Variants in AZIN1 observed in about 807,000 individuals in gnomAD.
AZIN1 encodes ornithine decarboxylase antizyme inhibitor.
Under a neutral mutation model 47.4 loss-of-function variants are expected in AZIN1, and 12 were observed. That is an observed-to-expected ratio of 0.25 (90% CI 0.16 to 0.41). The LOEUF is 0.41. Among genes scored for constraint, AZIN1 ranks in the 10% least tolerant of loss-of-function variants. AZIN1 has a pLI of 1.00. For synonymous variants in AZIN1, 155 were observed against 176.3 expected, an observed-to-expected ratio of 0.88 and a Z score of 0.96; for missense variants, 410 against 532.4, an observed-to-expected ratio of 0.77 and a Z score of 2.26.
chr8:102,834,774 A>G, intron 6 of AZIN1, 27 bp from the exon 7 acceptor site: 2 of 1,525,140 alleles, frequency 1.3e-6, no homozygotes, highest in Non-Finnish European at 1.8e-6. Flanking sequence ...ACTAAATTTA[A>G]AGGAGCAGAA....
intron 3 of AZIN1, 140 bp from the exon 4 acceptor site, chr8:102,839,963 CTTG>C: frequency 4.1e-6 from 2 of 486,538 alleles, no homozygotes; most frequent in Non-Finnish European, 7.0e-6. Flanking sequence ...ACATTTAAAG[CTTG>C]TTAACTAGAT....
In AZIN1 at chr8:102,834,274, A is replaced by G. The variant is rs767052295; in HGVS notation, c.667-11T>C. 3.3e-6 allele frequency: 5 copies of G among 1,536,938 alleles called. No homozygotes were observed. The highest frequency in any genetic ancestry group is 3.5e-6 in the Non-Finnish European group (4 of 1,127,578). On this transcript the variant is annotated splice_polypyrimidine_tract_variant and intron_variant, in intron 7 of 11. Coordinates refer to ENST00000337198, the MANE Select transcript of AZIN1 (RefSeq NM_148174.4). Reference sequence around the variant, plus strand: ...AAAGCCAATTTCTCCCTAGAGATGGAAAAAAAAAATTTAAATGTTTTTCCA... The same window carrying G: ...AAAGCCAATTTCTCCCTAGAGATGGGAAAAAAAAATTTAAATGTTTTTCCA...
At chr8:102,833,360 T>A in intron 8 of AZIN1, 142 bp from the exon 9 acceptor site, 1 of 620,760 alleles carries the variant, frequency 1.6e-6, no homozygotes. Flanking sequence ...TTTGTAGTTA[T>A]CTCCAAGCAA....
At chr8:102,838,643 A>AT in intron 5 of AZIN1, 101 bp downstream of exon 5, 1 of 924,388 alleles carries the variant, frequency 1.1e-6, no homozygotes. Flanking sequence ...TATGATACAC[A>AT]TCATTGCCCT....
At chr8:102,836,451 G>A in intron 5 of AZIN1, 61 bp from the exon 6 acceptor site, 1 of 1,541,662 alleles carries the variant, frequency 6.5e-7, no homozygotes, top group East Asian at 2.3e-5. Context: ...CACATGTGAA[G>A]CCTGAAGATT....
Position 102,843,618 on chromosome 8 carries a change from A to G in AZIN1, c.35T>C (p.Val12Ala), listed in dbSNP as rs772193211. The change falls in exon 3 of 12, where the codon GTT becomes GCT. Residue 12 changes from valine (V) to alanine (A), a missense_variant. Coordinates refer to ENST00000337198, the MANE Select transcript of AZIN1 (RefSeq NM_148174.4). ...GTTTGTTCCTTCATCCAACAGGCCA[A>G]CGGAGTAGTTTGCATCATCAATAAA... ...KGFIDDANYS[V>A]GLLDEGTNLG... 6.2e-7 allele frequency: 1 copy of G among 1,614,144 alleles called. No individual in the cohort carries two copies. The highest frequency in any genetic ancestry group is 8.5e-7 in the Non-Finnish European group (1 of 1,179,984).
chr8:102,847,693 CCACT>C (rs1252430001), intron 2 of AZIN1, among the ~76,000 whole-genome samples: 2 of 152,094 alleles, frequency 1.3e-5, no homozygotes, highest in Non-Finnish European at 1.5e-5. Context: ...AGTCCCACCT[CCACT>C]CAGTCAGTCC....
At chr8:102,862,021 G>A (rs1459477625) in intron 1 of AZIN1, among the ~76,000 whole-genome samples, 4 of 151,332 alleles carry the variant, frequency 2.6e-5, no homozygotes, top group Non-Finnish European at 4.4e-5. Context: ...GGGCGACAGA[G>A]CTAGACTCCA....
In AZIN1 at chr8:102,834,700, G is replaced by C. The variant is rs760259243; in HGVS notation, c.632C>G (p.Ala211Gly). 1.9e-6 allele frequency: 3 copies of C among 1,611,940 alleles called. No homozygotes were observed. In the Admixed American group the frequency reaches 5.0e-5, roughly 27 times the overall value. ...ACKESQVYVH[A>G]LSDARCVFDM... Reference sequence around the variant, plus strand: ...AAACACACATCGAGCATCAGATAGAGCATGTACATATACTTGAGATTCTTT... The same window carrying C: ...AAACACACATCGAGCATCAGATAGACCATGTACATATACTTGAGATTCTTT... Residue 211 changes from alanine (A) to glycine (G), a missense_variant, in exon 7 of 12, where the codon GCT (alanine) becomes GGT (glycine). Ala to Gly is a moderately conservative substitution (Grantham distance 60). This residue lies in a region of AZIN1 where 237 missense variants were observed against 309.4 expected (regional missense o/e 0.77). Coordinates refer to ENST00000337198, the MANE Select transcript of AZIN1 (RefSeq NM_148174.4).
At chr8:102,830,502 C>T (rs769396314) in intron 9 of AZIN1, among the ~76,000 whole-genome samples, 2 of 150,992 alleles carry the variant, frequency 1.3e-5, no homozygotes, top group Admixed American at 6.6e-5. Flanking sequence ...AGGAAAAACA[C>T]TTTTTAGTTT....
intron 9 of AZIN1, chr8:102,830,315 G>A (rs1811356004): frequency 6.2e-6 from 1 of 161,692 alleles, no homozygotes; most frequent in Non-Finnish European, 1.3e-5. Context: ...GAATCCGGGA[G>A]GCGGAGGTTA....
At chr8:102,860,536 T>G (rs1813576882) in intron 1 of AZIN1, among the ~76,000 whole-genome samples, 1 of 152,202 alleles carries the variant, frequency 6.6e-6, no homozygotes, top group Non-Finnish European at 1.5e-5. Flanking sequence ...GTGCTGGGAT[T>G]ACAGGCATGA....
In AZIN1 at chr8:102,839,817, T is replaced by C; in HGVS notation, c.109A>G (p.Lys37Glu). ...AGATCTCCCACAAAAAATGCATTTT[T>C]CCCTGTCTATTATGGTTATAAAAAA... ...NYVYEHTLTG[K>E]NAFFVGDLGK... Residue 37 changes from lysine to glutamate, a missense_variant, in exon 4 of 12, where the codon AAA becomes GAA. Lys to Glu is a moderately conservative substitution (Grantham distance 56, BLOSUM62 1). Coordinates refer to ENST00000337198, the MANE Select transcript of AZIN1 (RefSeq NM_148174.4). The C allele has an allele frequency of 6.3e-7, 1 of 1,591,354 alleles. No homozygotes were observed. The highest frequency in any genetic ancestry group is 8.5e-7 in the Non-Finnish European group (1 of 1,170,368).
intron 1 of AZIN1, among the ~76,000 whole-genome samples, chr8:102,859,818 AGAGG>A (rs1813519260): frequency 6.6e-6 from 1 of 152,228 alleles, no homozygotes; most frequent in East Asian, 1.9e-4. Flanking sequence ...CCCAGGCAAC[AGAGG>A]GAGAACCTGT....
rs956996541 is a variant in AZIN1, at chr8:102,828,197, A to C, written c.*370T>G. 2 of 158,548 alleles carry C rather than the reference A, an allele frequency of 1.3e-5. No individual in the cohort carries two copies. Among genetic ancestry groups the C allele is most frequent in the African/African-American group, 4.8e-5 (2 of 41,726 alleles). The allele number at this position is 158,548 out of a possible 1,614,324, so 9.8% of individuals were successfully genotyped here. A position where few individuals can be genotyped will look rare whatever the true frequency, so the allele number is the denominator to read the frequency against. ...TATCTGGGTGAAAGACATGAACTTT[A>C]CAAGACTTTAAACACAAATCCTTAG... On this transcript the variant is annotated 3_prime_UTR_variant, in exon 12 of 12. Transcript: ENST00000337198.
At chr8:102,847,696 C>G (rs927665611) in intron 2 of AZIN1, among the ~76,000 whole-genome samples, 1 of 152,110 alleles carries the variant, frequency 6.6e-6, no homozygotes, top group African/African-American at 2.4e-5. Flanking sequence ...CCCACCTCCA[C>G]TCAGTCAGTC....
At chr8:102,839,395 T>C (rs939466818) in intron 4 of AZIN1, among the ~76,000 whole-genome samples, 7 of 152,292 alleles carry the variant, frequency 4.6e-5, no homozygotes, top group African/African-American at 1.2e-4. Context: ...AGCTCTAGCC[T>C]AAGAATGAGG....
At chr8:102,861,279 G>A (rs911923771) in intron 1 of AZIN1, among the ~76,000 whole-genome samples, 4 of 152,096 alleles carry the variant, frequency 2.6e-5, no homozygotes, top group African/African-American at 9.7e-5. Flanking sequence ...CCAGGCTGGA[G>A]TGCCCTGGTG....
rs1434058513 is a variant in AZIN1 at position 102,850,882 on chromosome 8, A to G, written c.-96+7131T>C. Among the ~76,000 whole-genome samples, 6 of 152,362 alleles carry G rather than the reference A, an allele frequency of 3.9e-5. No homozygotes were observed. The East Asian group carries it at 1.2e-3, about 29-fold the overall frequency. On this transcript the variant is annotated intron_variant, in intron 2 of 11. Transcript: ENST00000337198. ...AATATATAAGGGGGCAAAAAATCCC[A>G]AAAGTTATAAGCCCAACAGGCTAAG...
Sources: gnomAD v4.1 joint callset for allele counts (sites outside exome capture counted in the v4.1 genomes callset) on GRCh38, gnomAD v4.1.1 for gene constraint, gnomAD v4.1.1 regional missense constraint, MANE v1.5 for transcripts, NCBI Gene and HGNC (gene_info 2026-07-23, HGNC 2026-07-21) for gene names.